CYFIP2: variants seen among roughly 807,000 people sequenced by gnomAD.
CYFIP2 encodes cytoplasmic FMR1 interacting protein 2.
Under a neutral mutation model 158.7 loss-of-function variants are expected in CYFIP2, and 29 were observed. That is an observed-to-expected ratio of 0.18 (90% CI 0.14 to 0.25). The LOEUF (loss-of-function observed/expected upper bound fraction) is 0.25. CYFIP2 is among the 10% of genes least tolerant of loss of function. The probability of loss-of-function intolerance (pLI) is 1.00; values close to 1 mark genes in which losing one functional copy is unlikely to be tolerated. For missense variants in CYFIP2, 852 were observed against 1,639.5 expected (o/e 0.52, Z 8.29); for synonymous variants, 585 against 617.6 (o/e 0.95, Z 0.78).
intron 1 of CYFIP2, among the ~76,000 whole-genome samples, chr5:157,267,104 G>T (rs1755669365): frequency 6.6e-6 from 1 of 152,210 alleles, no homozygotes; most frequent in South Asian, 2.1e-4. Context: ...CAGCCCAGGT[G>T]CCTCCCCAGC....
At chr5:157,296,001 G>T (rs1758224769) in intron 4 of CYFIP2, among the ~76,000 whole-genome samples, 1 of 152,220 alleles carries the variant, frequency 6.6e-6, no homozygotes, top group Admixed American at 6.5e-5. Flanking sequence ...ATTTCTCTCT[G>T]CTTAGAATCC....
rs754579881 is a variant in CYFIP2 at position 157,342,934 on chromosome 5, A to G, written c.2673+1777A>G. ...TCTGTAAGGCACCCGCATCAGGGGC[A>G]TCCTGGTTGGCTTCGGGATCCAGTT... is the stretch of plus-strand genomic sequence containing the variant. On this transcript the variant is annotated intron_variant, in intron 23 of 30. Coordinates refer to ENST00000620254, the MANE Select transcript of CYFIP2 (RefSeq NM_001037333.3). The G allele has an allele frequency of 4.3e-6, 7 of 1,614,074 alleles. No individual in the cohort carries two copies. The South Asian group carries it at 6.6e-5, about 15-fold the overall frequency.
intron 28 of CYFIP2, among the ~76,000 whole-genome samples, chr5:157,387,509 T>G (rs1269627645): frequency 6.6e-6 from 1 of 152,238 alleles, no homozygotes; most frequent in African/African-American, 2.4e-5. Flanking sequence ...TGCATTAATT[T>G]GCAAAATATT....
At chr5:157,380,852 T>G (rs143638149) in intron 26 of CYFIP2, among the ~76,000 whole-genome samples, 2 of 152,270 alleles carry the variant, frequency 1.3e-5, no homozygotes, top group East Asian at 3.9e-4. Context: ...GGATCTAAGC[T>G]TAGACATAGC....
intron 28 of CYFIP2, among the ~76,000 whole-genome samples, chr5:157,387,261 A>G (rs1561791576): frequency 6.6e-6 from 1 of 152,000 alleles, no homozygotes; most frequent in African/African-American, 2.4e-5. Flanking sequence ...TTTTTTCCTA[A>G]CCACTAGGCC....
intron 26 of CYFIP2, chr5:157,376,805 C>A: frequency 2.3e-6 from 1 of 440,110 alleles, no homozygotes. Context: ...CCATCCCATG[C>A]TGACTTCCAA....
chr5:157,291,535 A>T (rs939347812), intron 3 of CYFIP2, among the ~76,000 whole-genome samples: 4 of 152,260 alleles, frequency 2.6e-5, no homozygotes, highest in African/African-American at 4.8e-5. Context: ...TGAATGCATG[A>T]GTCGGAATTA....
chr5:157,352,908 G>A (rs892068190), intron 23 of CYFIP2, among the ~76,000 whole-genome samples: 4 of 152,184 alleles, frequency 2.6e-5, no homozygotes, highest in African/African-American at 7.2e-5. Context: ...AAGGCCATAC[G>A]AAGACCCAGC....
In CYFIP2 at chr5:157,324,036, A is replaced by G. The variant is rs1278268986; in HGVS notation, c.1787A>G (p.Lys596Arg). The G allele has an allele frequency of 1.9e-6, 3 of 1,613,762 alleles. No homozygotes were observed. Among genetic ancestry groups the G allele is most frequent in the Non-Finnish European group, 2.5e-6 (3 of 1,179,814 alleles). ...PIVLAIEDFH[K>R]QSFFFTHLLN... ...GTCCTCGCCATAGAGGACTTTCACA[A>G]ACAGTCCTTCTTCTTCACACATCTG... Residue 596 changes from lysine (K) to arginine (R), a missense_variant, in exon 16 of 31, where the codon AAA (lysine) becomes AGA (arginine). Lys to Arg is a conservative substitution (Grantham distance 26). Around this residue, in one of 8 missense-constraint regions of CYFIP2, gnomAD observed 167 missense variants for 343.3 expected, o/e 0.49. Coordinates refer to ENST00000620254, the MANE Select transcript of CYFIP2 (RefSeq NM_001037333.3).
At chr5:157,383,113 C>T (rs1561787251) in intron 27 of CYFIP2, 152 bp from the exon 28 acceptor site, 2 of 645,624 alleles carry the variant, frequency 3.1e-6, no homozygotes, top group Admixed American at 2.7e-5. Flanking sequence ...GTAAAAACTA[C>T]TCACACTTTC....
rs141399379 is a variant in CYFIP2, at chr5:157,330,799, G to T, written c.2214G>T (p.Pro738=). The T allele has an allele frequency of 6.2e-7, 1 of 1,613,766 alleles. No homozygotes were observed. The highest frequency in any genetic ancestry group is 2.2e-5 in the East Asian group (1 of 44,876). The part of the protein sequence containing the change: ...AECKNYGVII[P]YPPSNRYETL... ...GTAAGAATTATGGCGTCATCATTCC[G>T]TATCCACCGTCCAATCGCTATGAAA... Residue 738 remains proline (P), a synonymous_variant, in exon 20 of 31, where the codon CCG becomes CCT. Transcript: ENST00000620254.
chr5:157,366,548 G>A (rs753602264), intron 26 of CYFIP2, among the ~76,000 whole-genome samples: 2 of 152,118 alleles, frequency 1.3e-5, no homozygotes, highest in Non-Finnish European at 2.9e-5. Context: ...GTGTTTAATG[G>A]GAAGTATAAA....
chr5:157,359,020 T>A lies in CYFIP2; in HGVS notation c.2689T>A (p.Tyr897Asn). The change falls in exon 24 of 31, where the codon TAC (tyrosine) becomes AAC (asparagine). Residue 897 changes from tyrosine to asparagine, a missense_variant. Tyr to Asn is a moderately radical substitution (Grantham distance 143). This residue lies in a region of CYFIP2 where 191 missense variants were observed against 311.2 expected (regional missense o/e 0.61). Transcript: ENST00000620254. The stretch of plus-strand genomic sequence containing the variant: ...TGTTTTCCAGCCTCTCAACATTGCC[T>A]ACAGCCACATCTACAGCTCCTACAG... Reference protein sequence around the residue: ...LYGSKPLNIAYSHIYSSYRNF... With the variant: ...LYGSKPLNIANSHIYSSYRNF... 1 of 1,614,006 alleles carries A rather than the reference T, an allele frequency of 6.2e-7. No individual in the cohort carries two copies. Among genetic ancestry groups the A allele is most frequent in the Non-Finnish European group, 8.5e-7 (1 of 1,179,872 alleles).
Position 157,273,221 on chromosome 5 carries a change from G to T in CYFIP2, c.-24+7026G>T, listed in dbSNP as rs148075711. 5.0e-3 allele frequency among the ~76,000 whole-genome samples: 761 copies of T among 152,174 alleles called. 1 individual carries two copies. The highest frequency in any genetic ancestry group is 8.6e-3 in the Admixed American group (132 of 15,272). Reference sequence around the variant, plus strand: ...ATGAGTTATTCTATTGCAGTCCCTTGTCTTCTCAGGAAGTGCAGTGTTAAC... The same window carrying T: ...ATGAGTTATTCTATTGCAGTCCCTTTTCTTCTCAGGAAGTGCAGTGTTAAC... On this transcript the variant is annotated intron_variant, in intron 1 of 30. Transcript: ENST00000620254.
At chr5:157,303,397 C>T (rs1028321277) in intron 7 of CYFIP2, among the ~76,000 whole-genome samples, 7 of 152,158 alleles carry the variant, frequency 4.6e-5, no homozygotes, top group Non-Finnish European at 8.8e-5. Context: ...TTATTGCTGC[C>T]GCTGCTTTGC....
intron 15 of CYFIP2, among the ~76,000 whole-genome samples, chr5:157,323,612 G>A (rs916872004): frequency 6.6e-6 from 1 of 152,206 alleles, no homozygotes; most frequent in Non-Finnish European, 1.5e-5. Context: ...AAAGCAGGGA[G>A]TGACTCCAGG....
In CYFIP2 at chr5:157,296,789, G is replaced by C; in HGVS notation, c.387+15G>C. 3.7e-6 allele frequency: 6 copies of C among 1,603,964 alleles called. No individual in the cohort carries two copies. Among genetic ancestry groups the C allele is most frequent in the Non-Finnish European group, 4.3e-6 (5 of 1,171,712 alleles). On this transcript the variant is annotated intron_variant, in intron 5 of 30. Coordinates refer to ENST00000620254, the MANE Select transcript of CYFIP2 (RefSeq NM_001037333.3). ...TGTATTTTCAGGTGAGTGGGGAGGG[G>C]CAGGTCTGCATCTGGAGAACTGAAA...
chr5:157,303,281 G>T (rs1398193979), intron 7 of CYFIP2, among the ~76,000 whole-genome samples: 1 of 152,150 alleles, frequency 6.6e-6, no homozygotes, highest in Non-Finnish European at 1.5e-5. Flanking sequence ...AATATTATGA[G>T]AACCCATCTC....
Position 157,360,037 on chromosome 5 carries a change from C to A in CYFIP2, c.2818-245C>A, listed in dbSNP as rs143751618. Among the ~76,000 whole-genome samples, 621 of 152,332 alleles carry A rather than the reference C, an allele frequency of 4.1e-3. 4 individuals carry two copies. The highest frequency in any genetic ancestry group is 0.014 in the African/African-American group (585 of 41,564). Reference sequence around the variant, plus strand: ...GCTCTTTGTCTGAATCTGCTATAAGCATCCTCAGCCCCAGGAAAGACCCTA... The same window carrying A: ...GCTCTTTGTCTGAATCTGCTATAAGAATCCTCAGCCCCAGGAAAGACCCTA... On this transcript the variant is annotated intron_variant, in intron 24 of 30. Transcript: ENST00000620254.
Sources: gnomAD v4.1 joint callset for allele counts (sites outside exome capture counted in the v4.1 genomes callset) on GRCh38, gnomAD v4.1.1 for gene constraint, gnomAD v4.1.1 regional missense constraint, MANE v1.5 for transcripts, NCBI Gene and HGNC (gene_info 2026-07-23, HGNC 2026-07-21) for gene names.